The following OSBPL3 variants were observed in gnomAD, a reference collection of about 807,000 sequenced individuals.
OSBPL3 encodes oxysterol binding protein like 3, also known as oxysterol-binding protein-related protein 3.
A neutral mutation model predicts 120.1 loss-of-function variants in OSBPL3; 65 were observed. The ratio of observed to expected loss-of-function variants is 0.54; its 90% CI spans 0.44 to 0.67. The LOEUF (loss-of-function observed/expected upper bound fraction) is 0.67. Among genes scored for constraint, OSBPL3 ranks in the 30% least tolerant of loss-of-function variants. The pLI is 0.00. For missense variants in OSBPL3, 1,004 were observed against 1,082.1 expected (o/e 0.93, Z 1.01); for synonymous variants, 416 against 402.6 (o/e 1.03, Z -0.40).
rs765482261 is a variant in OSBPL3, at chr7:24,804,469, T to C, written c.2445-32A>G. 23 of 1,601,772 alleles carry C rather than the reference T, an allele frequency of 1.4e-5. No homozygotes were observed. In the African/African-American group the frequency reaches 2.4e-4, roughly 17 times the overall value. On this transcript the variant is annotated intron_variant, in intron 21 of 22. Transcript: ENST00000313367. This position sits in a 1 kb window ranked among gnomAD's most constrained non-coding sequence, Gnocchi z 5.4. ...CATCGAGGAAAAAAAAATGAAAGGA[T>C]ATGAATTCAAGAAAACAAAACAATC...
chr7:24,939,526 T>C lies in OSBPL3; in HGVS notation c.-150+40360A>G, dbSNP rs1812831821. Among the ~76,000 whole-genome samples, 1 of 152,244 alleles carries C rather than the reference T, an allele frequency of 6.6e-6. No homozygotes were observed. Among genetic ancestry groups the C allele is most frequent in the African/African-American group, 2.4e-5 (1 of 41,470 alleles). ...GGAAACAAAAAGTTAACATGTTGCA[T>C]GTTTTAAAAAATTAAACACGCAGGA... On this transcript the variant is annotated intron_variant, in intron 1 of 22. Coordinates refer to ENST00000313367, the MANE Select transcript of OSBPL3 (RefSeq NM_015550.4). This position sits in a 1 kb window ranked among gnomAD's most constrained non-coding sequence, Gnocchi z 4.2.
intron 1 of OSBPL3, among the ~76,000 whole-genome samples, chr7:24,970,640 G>A (rs975855860): frequency 1.3e-5 from 2 of 151,988 alleles, no homozygotes; most frequent in African/African-American, 4.8e-5. Flanking sequence ...TATATATCCC[G>A]AACTGAAGTG....
intron 10 of OSBPL3, among the ~76,000 whole-genome samples, chr7:24,858,354 G>A (rs915856909): frequency 6.6e-6 from 1 of 152,186 alleles, no homozygotes; most frequent in Non-Finnish European, 1.5e-5. Context: ...AACAAAACGA[G>A]GTTTACACAG....
At chr7:24,950,366 TAGAA>T (rs1227404622) in intron 1 of OSBPL3, among the ~76,000 whole-genome samples, 9 of 152,166 alleles carry the variant, frequency 5.9e-5, no homozygotes, top group African/African-American at 2.2e-4. Flanking sequence ...CCAAGAAATA[TAGAA>T]AGAGTTAAAC....
chr7:24,878,302 T>A, intron 2 of OSBPL3, among the ~76,000 whole-genome samples: 1 of 151,956 alleles, frequency 6.6e-6, no homozygotes, highest in Non-Finnish European at 1.5e-5. Context: ...AGCTCAAGAG[T>A]GTTGGGGAAG....
chr7:24,925,196 G>A lies in OSBPL3; in HGVS notation c.-149-32575C>T, dbSNP rs969850372. 4.6e-5 allele frequency among the ~76,000 whole-genome samples: 7 copies of A among 152,284 alleles called. No homozygotes were observed. In the East Asian group the frequency reaches 1.4e-3, roughly 29 times the overall value. ...AAATTATCCTGGTAGACTGTTTACA[G>A]GCCTACCGCTGTGATAACAAACCTC... On this transcript the variant is annotated intron_variant, in intron 1 of 22. Coordinates refer to ENST00000313367, the MANE Select transcript of OSBPL3 (RefSeq NM_015550.4).
Position 24,803,930 on chromosome 7 carries a change from A to G in OSBPL3, c.2567+385T>C, listed in dbSNP as rs1562746584. On this transcript the variant is annotated intron_variant, in intron 22 of 22. Transcript: ENST00000313367. The surrounding 1 kb of genome is among the most constrained non-coding windows in gnomAD (Gnocchi z 4.2). ...CTTAACTGTGGAGTGATCGTGAATGATCTCTGTCATGGTGTAAAACATGCC... is the reference window on the plus strand; with the variant it reads ...CTTAACTGTGGAGTGATCGTGAATGGTCTCTGTCATGGTGTAAAACATGCC... Among the ~76,000 whole-genome samples the G allele has an allele frequency of 6.6e-6, 1 of 152,160 alleles. No individual in the cohort carries two copies. The highest frequency in any genetic ancestry group is 1.5e-5 in the Non-Finnish European group (1 of 68,020).
At position 24,854,066 on chromosome 7, in the gene OSBPL3, G is replaced by GCACACA; in HGVS notation, c.1028-1438_1028-1433dup. 6.6e-6 allele frequency among the ~76,000 whole-genome samples: 1 copy of GCACACA among 151,458 alleles called. No homozygotes were observed. Among genetic ancestry groups the GCACACA allele is most frequent in the East Asian group, 1.9e-4 (1 of 5,144 alleles). ...GTTTTAAAAAACATTAACACATACAGCACACACACACACACAAATCATTAT... is the reference window on the plus strand; with the variant it reads ...GTTTTAAAAAACATTAACACATACAGCACACACACACACACACACACAAATCATTAT... On this transcript the variant is annotated intron_variant, in intron 10 of 22. Coordinates refer to ENST00000313367, the MANE Select transcript of OSBPL3 (RefSeq NM_015550.4). This position sits in a 1 kb window ranked among gnomAD's most constrained non-coding sequence, Gnocchi z 4.1.
At chr7:24,907,327 T>C (rs1159961845) in intron 1 of OSBPL3, among the ~76,000 whole-genome samples, 2 of 152,216 alleles carry the variant, frequency 1.3e-5, no homozygotes, top group East Asian at 1.9e-4. Flanking sequence ...CACTACATAG[T>C]TGCATTTCAC....
chr7:24,911,656 C>G (rs1041775721), intron 1 of OSBPL3, among the ~76,000 whole-genome samples: 1 of 152,076 alleles, frequency 6.6e-6, no homozygotes, highest in Admixed American at 6.5e-5. Context: ...TCGAAGTCCC[C>G]AAGATATATT....
At chr7:24,917,507 C>A (rs892937851) in intron 1 of OSBPL3, among the ~76,000 whole-genome samples, 2 of 145,158 alleles carry the variant, frequency 1.4e-5, no homozygotes, top group African/African-American at 2.6e-5. Context: ...GGAGTTTCAT[C>A]AATTTTTTTG....
In OSBPL3 at chr7:24,814,182, C is replaced by T. The variant is rs148030382; in HGVS notation, c.2172+877G>A. On this transcript the variant is annotated intron_variant, in intron 19 of 22. Coordinates refer to ENST00000313367, the MANE Select transcript of OSBPL3 (RefSeq NM_015550.4). ...AAGGATCTGGGGACAGCTGCCCAAG[C>T]AGAAGGAAATGAAGAAAGAGAAAGA... is the stretch of plus-strand genomic sequence containing the variant. 6.5e-3 allele frequency among the ~76,000 whole-genome samples: 988 copies of T among 151,688 alleles called. 8 individuals are homozygous for T. Among genetic ancestry groups the T allele is most frequent in the Non-Finnish European group, 0.011 (770 of 67,936 alleles).
At position 24,833,140 on chromosome 7, in the gene OSBPL3, A is replaced by C. The variant is rs1306849335; in HGVS notation, c.1746+1346T>G. Among the ~76,000 whole-genome samples the C allele has an allele frequency of 6.6e-6, 1 of 152,254 alleles. No homozygotes were observed. The highest frequency in any genetic ancestry group is 1.9e-4 in the East Asian group (1 of 5,200). On this transcript the variant is annotated intron_variant, in intron 15 of 22. Transcript: ENST00000313367. This position sits in a 1 kb window ranked among gnomAD's most constrained non-coding sequence, Gnocchi z 4.4. ...ATTCAGCAAAAATTATCTGGGGACAAGTAACAAAGAAGAGTTTAAAAAATA... is the reference window on the plus strand; with the variant it reads ...ATTCAGCAAAAATTATCTGGGGACACGTAACAAAGAAGAGTTTAAAAAATA...
Position 24,854,381 on chromosome 7 carries a change from A to G in OSBPL3, c.1028-1747T>C, listed in dbSNP as rs999686336. On this transcript the variant is annotated intron_variant, in intron 10 of 22. Transcript: ENST00000313367. This position sits in a 1 kb window ranked among gnomAD's most constrained non-coding sequence, Gnocchi z 4.1. ...AGGCATTATTGACTTACTTCATTTAATAGCAAGGAGGACAACTAAACCTCT... is the reference window on the plus strand; with the variant it reads ...AGGCATTATTGACTTACTTCATTTAGTAGCAAGGAGGACAACTAAACCTCT... Among the ~76,000 whole-genome samples the G allele has an allele frequency of 3.3e-5, 5 of 152,116 alleles. No individual in the cohort carries two copies. Among genetic ancestry groups the G allele is most frequent in the African/African-American group, 9.7e-5 (4 of 41,410 alleles).
At chr7:24,875,333 T>A (rs914935927) in intron 2 of OSBPL3, among the ~76,000 whole-genome samples, 1 of 152,246 alleles carries the variant, frequency 6.6e-6, no homozygotes, top group Non-Finnish European at 1.5e-5. Context: ...TTTGAGTTAT[T>A]AATATAGCAC....
At chr7:24,848,765 T>A (rs1258496391) in intron 12 of OSBPL3, among the ~76,000 whole-genome samples, 4 of 140,952 alleles carry the variant, frequency 2.8e-5, no homozygotes, top group Admixed American at 7.1e-5. Context: ...TATCTCTCTA[T>A]AGTTCCCACT....
intron 1 of OSBPL3, among the ~76,000 whole-genome samples, chr7:24,910,313 G>A (rs1326893189): frequency 6.6e-6 from 1 of 152,162 alleles, no homozygotes; most frequent in African/African-American, 2.4e-5. Flanking sequence ...AATGGAGAGA[G>A]ATGAGTCCAT....
In OSBPL3 at chr7:24,849,134, T is replaced by C; in HGVS notation, c.1201A>G (p.Ile401Val). The change falls in exon 12 of 23, where the codon ATC becomes GTC. Residue 401 changes from isoleucine (I) to valine (V), a missense_variant. Transcript: ENST00000313367. This position sits in a 1 kb window ranked among gnomAD's most constrained non-coding sequence, Gnocchi z 5.4. ...TCGAGGAGCAGAGACTCGGCATGGA[T>C]TCTGCGTAAGCGTTCTTTAAGATCT... The part of the protein sequence containing the change: ...NTDLKERLRR[I>V]HAESLLLDSP... 3 of 1,614,070 alleles carry C rather than the reference T, an allele frequency of 1.9e-6. No homozygotes were observed. The highest frequency in any genetic ancestry group is 2.5e-6 in the Non-Finnish European group (3 of 1,179,948).
At chr7:24,961,911 T>C (rs1815789536) in intron 1 of OSBPL3, among the ~76,000 whole-genome samples, 1 of 152,152 alleles carries the variant, frequency 6.6e-6, no homozygotes, top group Non-Finnish European at 1.5e-5. Context: ...TCATCAAGCA[T>C]TTATCCTCAG....
Sources: allele counts gnomAD v4.1 joint callset (sites outside exome capture counted in the v4.1 genomes callset), GRCh38; gene constraint gnomAD v4.1.1; non-coding constraint Gnocchi (gnomAD v3.1); transcripts MANE v1.5; gene names NCBI Gene and HGNC (gene_info 2026-07-23, HGNC 2026-07-21).